Variants in BCAS1 observed in about 807,000 individuals in gnomAD.
The protein encoded by BCAS1 is brain enriched myelin associated protein 1.
Under a neutral mutation model 65.4 loss-of-function variants are expected in BCAS1, and 46 were observed. That is an observed-to-expected ratio of 0.70 (90% CI 0.55 to 0.90). The LOEUF (loss-of-function observed/expected upper bound fraction) is 0.90. BCAS1 is among the 40% of genes least tolerant of loss of function. BCAS1 has a pLI of 0.00. For missense variants in BCAS1, 793 were observed against 771.2 expected (o/e 1.03, Z -0.33); for synonymous variants, 298 against 293.5 (o/e 1.02, Z -0.16).
intron 3 of BCAS1, among the ~76,000 whole-genome samples, chr20:54,036,870 A>C (rs908090111): frequency 6.6e-6 from 1 of 151,384 alleles, no homozygotes; most frequent in African/African-American, 2.4e-5. Context: ...ATATAAATCA[A>C]TTTATCTTAA....
chr20:54,041,719 T>TA (rs1203692828), intron 3 of BCAS1, among the ~76,000 whole-genome samples: 1 of 151,494 alleles, frequency 6.6e-6, no homozygotes. Context: ...CTGTCTCTGC[T>TA]AAAAAACAAA....
chr20:54,060,252 T>G (rs1423778562), intron 1 of BCAS1, among the ~76,000 whole-genome samples: 1 of 152,238 alleles, frequency 6.6e-6, no homozygotes, highest in Non-Finnish European at 1.5e-5. Context: ...AATGTCTAGC[T>G]CATGTTAAGC....
intron 4 of BCAS1, among the ~76,000 whole-genome samples, chr20:54,006,038 C>T (rs1468314834): frequency 6.6e-6 from 1 of 152,166 alleles, no homozygotes; most frequent in Admixed American, 6.5e-5. Context: ...TGGGCTCAGG[C>T]AGCCTCACTC....
In BCAS1 at chr20:54,036,144, C is replaced by T. The variant is rs542087231; in HGVS notation, c.143-7172G>A. On this transcript the variant is annotated intron_variant, in intron 3 of 12. Coordinates refer to ENST00000688948, the MANE Select transcript of BCAS1 (RefSeq NM_001366298.2). ...GGTATTAATAATACCTATTTCATCACCCAGGCTTGATACCTGGGTGACAAC... is the reference window on the plus strand; with the variant it reads ...GGTATTAATAATACCTATTTCATCATCCAGGCTTGATACCTGGGTGACAAC... 9.9e-5 allele frequency among the ~76,000 whole-genome samples: 15 copies of T among 150,898 alleles called. 1 individual carries two copies. The highest frequency in any genetic ancestry group is 3.5e-3 in the Middle Eastern group (1 of 288).
At chr20:54,060,809 G>C (rs1349090225) in intron 1 of BCAS1, among the ~76,000 whole-genome samples, 3 of 152,136 alleles carry the variant, frequency 2.0e-5, no homozygotes, top group Non-Finnish European at 4.4e-5. Context: ...TGACGTCAAA[G>C]GCAGTGTCTA....
intron 3 of BCAS1, among the ~76,000 whole-genome samples, chr20:54,054,243 G>A (rs1336700081): frequency 6.6e-6 from 1 of 152,114 alleles, no homozygotes; most frequent in Non-Finnish European, 1.5e-5. Context: ...TTTGGGTGGG[G>A]ACAGAGCCAA....
chr20:53,947,757 T>C (rs1223396164), intron 12 of BCAS1, among the ~76,000 whole-genome samples: 4 of 152,260 alleles, frequency 2.6e-5, no homozygotes, highest in African/African-American at 9.6e-5. Context: ...TTACCGTGCA[T>C]TGTAATCGCT....
intron 7 of BCAS1, 53 bp from the exon 8 acceptor site, chr20:53,985,552 T>A (rs975386320): frequency 1.2e-5 from 18 of 1,520,280 alleles, no homozygotes; most frequent in African/African-American, 5.5e-5. Flanking sequence ...CTCAAAATTT[T>A]AAAAATGGAA....
At chr20:53,966,382 A>G (rs965256243) in intron 10 of BCAS1, among the ~76,000 whole-genome samples, 1 of 152,190 alleles carries the variant, frequency 6.6e-6, no homozygotes, top group Non-Finnish European at 1.5e-5. Context: ...CAGGAATGGA[A>G]AACCAAATAC....
intron 4 of BCAS1, among the ~76,000 whole-genome samples, chr20:54,000,094 C>T (rs1015019090): frequency 6.6e-6 from 1 of 152,172 alleles, no homozygotes; most frequent in South Asian, 2.1e-4. Context: ...TAATATATCC[C>T]GGCATATCTG....
intron 3 of BCAS1, among the ~76,000 whole-genome samples, chr20:54,049,209 C>A (rs1424541933): frequency 1.3e-5 from 2 of 152,148 alleles, no homozygotes; most frequent in Middle Eastern, 3.4e-3. Context: ...CCACTTACAT[C>A]TTTTTTTTAA....
At chr20:54,053,960 G>C (rs908672089) in intron 3 of BCAS1, among the ~76,000 whole-genome samples, 1 of 152,188 alleles carries the variant, frequency 6.6e-6, no homozygotes, top group Non-Finnish European at 1.5e-5. Flanking sequence ...ATTTATAAAG[G>C]AAAGAGGTTT....
At chr20:53,948,366 A>G (rs1476792866) in intron 12 of BCAS1, among the ~76,000 whole-genome samples, 1 of 152,214 alleles carries the variant, frequency 6.6e-6, no homozygotes, top group East Asian at 1.9e-4. Flanking sequence ...ATTAAAAAAA[A>G]ATTAGATGCT....
intron 3 of BCAS1, among the ~76,000 whole-genome samples, chr20:54,037,479 G>A (rs2091918996): frequency 6.6e-6 from 1 of 151,384 alleles, no homozygotes; most frequent in Admixed American, 6.6e-5. Context: ...ACATCAAGCT[G>A]TAAAAACAAT....
chr20:54,007,081 G>A (rs971496313), intron 4 of BCAS1, among the ~76,000 whole-genome samples: 1 of 152,198 alleles, frequency 6.6e-6, no homozygotes, highest in African/African-American at 2.4e-5. Flanking sequence ...TAGCTCTTCT[G>A]ATCCCCAGCC....
chr20:53,995,984 C>A lies in BCAS1; in HGVS notation c.790G>T (p.Asp264Tyr). ...LGTADCSVPG[D>Y]PEGLETAKDD... ...TTTGCAGTCTCCAGTCCTTCTGGGTCCCCAGGGACAGAGCAATCCGCAGTT... is the reference window on the plus strand; with the variant it reads ...TTTGCAGTCTCCAGTCCTTCTGGGTACCCAGGGACAGAGCAATCCGCAGTT... The change falls in exon 5 of 13, where the codon GAC becomes TAC. Residue 264 changes from aspartate to tyrosine, a missense_variant. Coordinates refer to ENST00000688948, the MANE Select transcript of BCAS1 (RefSeq NM_001366298.2). 6.2e-7 allele frequency: 1 copy of A among 1,613,258 alleles called. No individual in the cohort carries two copies. The highest frequency in any genetic ancestry group is 8.5e-7 in the Non-Finnish European group (1 of 1,179,452).
intron 1 of BCAS1, among the ~76,000 whole-genome samples, chr20:54,063,002 G>A (rs1220032386): frequency 6.6e-6 from 1 of 152,168 alleles, no homozygotes; most frequent in Non-Finnish European, 1.5e-5. Flanking sequence ...CCAAACAACT[G>A]GGAAGGCTGA....
chr20:54,016,758 G>C (rs1178905814), intron 4 of BCAS1, among the ~76,000 whole-genome samples: 3 of 152,170 alleles, frequency 2.0e-5, no homozygotes, highest in Non-Finnish European at 4.4e-5. Context: ...TTCTGAGATG[G>C]AAATTGAGTC....
chr20:54,044,696 G>T (rs1258495147), intron 3 of BCAS1, among the ~76,000 whole-genome samples: 2 of 151,924 alleles, frequency 1.3e-5, no homozygotes, highest in African/African-American at 4.8e-5. Context: ...AAATTAGCCA[G>T]ATGCGGTGGC....
Sources: gnomAD v4.1 joint callset for allele counts (sites outside exome capture counted in the v4.1 genomes callset) on GRCh38, gnomAD v4.1.1 for gene constraint, MANE v1.5 for transcripts, NCBI Gene and HGNC (gene_info 2026-07-23, HGNC 2026-07-21) for gene names.